Variants in SCYL3 observed in about 807,000 individuals in gnomAD.
SCYL3 encodes the protein protein-associating with the carboxyl-terminal domain of ezrin.
In SCYL3, 35 loss-of-function variants were observed where a neutral mutation model predicts 73.8. The observed-to-expected ratio is 0.47, with a 90% CI of 0.36 to 0.63. The LOEUF is 0.63. SCYL3 is among the 20% of genes least tolerant of loss of function. The pLI is 0.00. For missense variants in SCYL3, 712 were observed against 798.9 expected, an observed-to-expected ratio of 0.89 and a Z score of 1.31; for synonymous variants, 277 against 295.2, an observed-to-expected ratio of 0.94 and a Z score of 0.63.
At position 169,875,667 on chromosome 1, in the gene SCYL3, G is replaced by A. The variant is rs16862736; in HGVS notation, c.465+311C>T. ...CATAAAGGTAATTTCACTATCAAGT[G>A]GTATGATCCAAGTAAGTACAAGGTA... On this transcript the variant is annotated intron_variant, in intron 4 of 12. Coordinates refer to ENST00000367771, the MANE Select transcript of SCYL3 (RefSeq NM_020423.7). 5.7e-3 allele frequency among the ~76,000 whole-genome samples: 862 copies of A among 152,282 alleles called. 9 individuals carry two copies. The highest frequency in any genetic ancestry group is 0.019 in the African/African-American group (790 of 41,558).
At chr1:169,890,616 C>T (rs1478717572) in intron 1 of SCYL3, among the ~76,000 whole-genome samples, 1 of 152,190 alleles carries the variant, frequency 6.6e-6, no homozygotes, top group African/African-American at 2.4e-5. Context: ...CGATCCACAA[C>T]CATCGTTATA....
rs1658907367 is a variant in SCYL3, at chr1:169,854,326, C to T, written c.1951G>A (p.Asp651Asn). Residue 651 changes from aspartate (D) to asparagine (N), a missense_variant, in exon 12 of 13, where the codon GAT becomes AAT. This residue lies in a region of SCYL3 where 370 missense variants were observed against 350.8 expected (regional missense o/e 1.05). Coordinates refer to ENST00000367771, the MANE Select transcript of SCYL3 (RefSeq NM_020423.7). ...GAAAACTGCATCACTGGGGAGACAT[C>T]ATCCTTTTTTGGGACCATTTCTGTC... Reference protein sequence around the residue: ...LRTEMVPKKDDVSPVMQFSSK... With the variant: ...LRTEMVPKKDNVSPVMQFSSK... The T allele has an allele frequency of 6.2e-7, 1 of 1,612,920 alleles. No homozygotes were observed. Among genetic ancestry groups the T allele is most frequent in the Non-Finnish European group, 8.5e-7 (1 of 1,179,702 alleles).
intron 10 of SCYL3, chr1:169,859,821 G>A (rs1558120519): frequency 1.3e-5 from 2 of 152,376 alleles, no homozygotes; most frequent in African/African-American, 4.8e-5. Flanking sequence ...GATCACTTGA[G>A]CCCAGGAGTT....
Position 169,854,522 on chromosome 1 carries a change from T to C in SCYL3, c.1755A>G (p.Lys585=). Residue 585 remains lysine (K), a synonymous_variant, in exon 12 of 13, where the codon AAA becomes AAG. Transcript: ENST00000367771. ...TAAGGGGCCTTTCTTGTGATGACAC[T>C]TTTGGCGGCTCGATTTGGTCTGCGT... ...GDDADQIEPP[K]VSSQERPLKV... 1.2e-6 allele frequency: 2 copies of C among 1,613,990 alleles called. No homozygotes were observed. The highest frequency in any genetic ancestry group is 1.7e-6 in the Non-Finnish European group (2 of 1,179,940).
Position 169,888,651 on chromosome 1 carries a change from A to G in SCYL3, c.165+25T>C, listed in dbSNP as rs371683060. 5 of 1,591,512 alleles carry G rather than the reference A, an allele frequency of 3.1e-6. No individual in the cohort carries two copies. In the African/African-American group the frequency reaches 6.7e-5, roughly 21 times the overall value. ...AACAAGATAGTAAAAAGTACTAACT[A>G]TTAAGTCGTCACCTATTATGGTACC... On this transcript the variant is annotated intron_variant, in intron 2 of 12. Transcript: ENST00000367771.
chr1:169,880,699 G>A (rs975508670), intron 2 of SCYL3, among the ~76,000 whole-genome samples: 1 of 150,900 alleles, frequency 6.6e-6, no homozygotes, highest in Non-Finnish European at 1.5e-5. Context: ...AGGGAAACTT[G>A]GATCTTCAGG....
intron 1 of SCYL3, among the ~76,000 whole-genome samples, chr1:169,892,969 C>T (rs1301567894): frequency 1.3e-5 from 2 of 152,164 alleles, no homozygotes; most frequent in African/African-American, 4.8e-5. Context: ...TGGTATCCAG[C>T]GGTAACGTTA....
intron 2 of SCYL3, among the ~76,000 whole-genome samples, chr1:169,884,712 C>G (rs779728639): frequency 6.6e-6 from 1 of 152,174 alleles, no homozygotes; most frequent in Admixed American, 6.5e-5. Context: ...TTCTCTTCTG[C>G]TTATTGTTTT....
At chr1:169,886,817 C>T (rs1661717158) in intron 2 of SCYL3, among the ~76,000 whole-genome samples, 1 of 152,150 alleles carries the variant, frequency 6.6e-6, no homozygotes, top group Non-Finnish European at 1.5e-5. Flanking sequence ...AGAGCTTATA[C>T]CTGCATTTCA....
At chr1:169,880,099 T>C (rs1056980006) in intron 2 of SCYL3, among the ~76,000 whole-genome samples, 1 of 151,628 alleles carries the variant, frequency 6.6e-6, no homozygotes, top group Non-Finnish European at 1.5e-5. Context: ...GAAATCTCCA[T>C]CTCATAAAGA....
In SCYL3 at chr1:169,883,158, C is replaced by T. The variant is rs527866228; in HGVS notation, c.166-4339G>A. ...GAGAAGGAACAAACTCCAGACACGC[C>T]ACCTTTAAGAACTGTAACACTCACC... is the stretch of plus-strand genomic sequence containing the variant. On this transcript the variant is annotated intron_variant, in intron 2 of 12. Coordinates refer to ENST00000367771, the MANE Select transcript of SCYL3 (RefSeq NM_020423.7). Among the ~76,000 whole-genome samples, 6 of 152,128 alleles carry T rather than the reference C, an allele frequency of 3.9e-5. No individual in the cohort carries two copies. In the South Asian group the frequency reaches 6.3e-4, roughly 16 times the overall value.
chr1:169,882,124 C>T (rs1268622987), intron 2 of SCYL3, among the ~76,000 whole-genome samples: 3 of 152,178 alleles, frequency 2.0e-5, no homozygotes, highest in Non-Finnish European at 4.4e-5. Context: ...GAGGTGCGAG[C>T]GGGAACTGGG....
chr1:169,854,673 G>C lies in SCYL3; in HGVS notation c.1604C>G (p.Thr535Ser). ...CCCTGAGGTAACAGGTTTTGTAGCA[G>C]TGATTCCACCTCCTGGGTTTACTTT... The part of the protein sequence containing the change: ...DTKVNPGGGI[T>S]ATKPVTSGEQ... The change falls in exon 12 of 13, where the codon ACT becomes AGT. Residue 535 changes from threonine to serine, a missense_variant. Thr to Ser is a moderately conservative substitution (Grantham distance 58). Around this residue, in one of 2 missense-constraint regions of SCYL3, gnomAD observed 370 missense variants for 350.8 expected, o/e 1.05. Transcript: ENST00000367771. 6.2e-7 allele frequency: 1 copy of C among 1,614,068 alleles called. No individual in the cohort carries two copies. The highest frequency in any genetic ancestry group is 8.5e-7 in the Non-Finnish European group (1 of 1,179,974).
chr1:169,870,483 T>C, intron 5 of SCYL3, 126 bp from the exon 6 acceptor site: 1 of 648,994 alleles, frequency 1.5e-6, no homozygotes, highest in Non-Finnish European at 2.7e-6. Context: ...CCACCACACA[T>C]GAATGTATAG....
At chr1:169,857,705 T>C (rs1197033341) in intron 11 of SCYL3, among the ~76,000 whole-genome samples, 1 of 152,234 alleles carries the variant, frequency 6.6e-6, no homozygotes, top group East Asian at 1.9e-4. Context: ...GATTTGTGCA[T>C]GGCATTTTCT....
At chr1:169,865,582 G>C (rs1360746299) in intron 8 of SCYL3, among the ~76,000 whole-genome samples, 1 of 152,044 alleles carries the variant, frequency 6.6e-6, no homozygotes, top group Non-Finnish European at 1.5e-5. Context: ...CTATTAATAT[G>C]CTCAGGTCTC....
chr1:169,886,534 C>T (rs1354466544), intron 2 of SCYL3, among the ~76,000 whole-genome samples: 1 of 152,206 alleles, frequency 6.6e-6, no homozygotes, highest in Admixed American at 6.5e-5. Context: ...CTACATACCA[C>T]TCTTAGAGTC....
chr1:169,867,885 A>T (rs1660143895), intron 7 of SCYL3, among the ~76,000 whole-genome samples: 2 of 152,196 alleles, frequency 1.3e-5, no homozygotes, highest in South Asian at 4.1e-4. Context: ...CAGAGTGATG[A>T]GAGAATCTAT....
chr1:169,851,785 C>A lies in SCYL3; in HGVS notation c.*1928G>T. ...TATCTAGTAGAGTGCTAACATGTTG[C>A]TATTTGCTTGGTTTTTCATGGTCCC... On this transcript the variant is annotated 3_prime_UTR_variant, in exon 13 of 13. Coordinates refer to ENST00000367771, the MANE Select transcript of SCYL3 (RefSeq NM_020423.7). 1 of 1,607,378 alleles carries A rather than the reference C, an allele frequency of 6.2e-7. No homozygotes were observed. The highest frequency in any genetic ancestry group is 8.5e-7 in the Non-Finnish European group (1 of 1,176,542).
Sources: gnomAD v4.1 joint callset for allele counts (sites outside exome capture counted in the v4.1 genomes callset) on GRCh38, gnomAD v4.1.1 for gene constraint, gnomAD v4.1.1 regional missense constraint, MANE v1.5 for transcripts, NCBI Gene and HGNC (gene_info 2026-07-23, HGNC 2026-07-21) for gene names.